MCF2L2: variants seen among roughly 807,000 people sequenced by gnomAD.
The protein encoded by MCF2L2 is probable guanine nucleotide exchange factor MCF2L2.
A neutral mutation model predicts 150.2 loss-of-function variants in MCF2L2; 102 were observed. That is an observed-to-expected ratio of 0.68 (90% CI 0.58 to 0.80). MCF2L2 has a LOEUF of 0.80. Among genes scored for constraint, MCF2L2 ranks in the 30% least tolerant of loss-of-function variants. MCF2L2 has a pLI of 0.00. For missense variants in MCF2L2, 1,256 were observed against 1,372.8 expected, an observed-to-expected ratio of 0.91 and a Z score of 1.34; for synonymous variants, 465 against 491.3, an observed-to-expected ratio of 0.95 and a Z score of 0.71.
chr3:183,191,754 GA>G (rs1721899941), intron 27 of MCF2L2, among the ~76,000 whole-genome samples: 1 of 152,116 alleles, frequency 6.6e-6, no homozygotes, highest in Admixed American at 6.5e-5. Context: ...TCACTTAAAG[GA>G]AGCATTTGAC....
At chr3:183,212,365 G>A (rs559498873) in intron 22 of MCF2L2, among the ~76,000 whole-genome samples, 20 of 152,318 alleles carry the variant, frequency 1.3e-4, no homozygotes, top group African/African-American at 4.3e-4. Flanking sequence ...CATGTCACAC[G>A]GTGTGTGGAA....
At chr3:183,256,974 T>C (rs912733523) in intron 15 of MCF2L2, among the ~76,000 whole-genome samples, 2 of 152,202 alleles carry the variant, frequency 1.3e-5, no homozygotes, top group Non-Finnish European at 2.9e-5. Flanking sequence ...ATCAGATCAG[T>C]ATTTTTAAAA....
At chr3:183,417,454 C>T (rs901368853) in intron 1 of MCF2L2, among the ~76,000 whole-genome samples, 9 of 151,350 alleles carry the variant, frequency 5.9e-5, no homozygotes, top group Non-Finnish European at 1.2e-4. Flanking sequence ...AACATAATTG[C>T]TTTTCAAATC....
At chr3:183,276,652 A>G in intron 15 of MCF2L2, 1 of 439,954 alleles carries the variant, frequency 2.3e-6, no homozygotes, top group Admixed American at 4.1e-5. Context: ...CTGTATTCTT[A>G]GAAGTTTGGT....
At chr3:183,420,043 T>C (rs1715797639) in intron 1 of MCF2L2, among the ~76,000 whole-genome samples, 1 of 152,172 alleles carries the variant, frequency 6.6e-6, no homozygotes, top group African/African-American at 2.4e-5. Flanking sequence ...TCCCAATAAG[T>C]TCCTCATCTC....
intron 5 of MCF2L2, among the ~76,000 whole-genome samples, chr3:183,330,114 G>A (rs548768051): frequency 6.6e-6 from 1 of 151,386 alleles, no homozygotes; most frequent in Non-Finnish European, 1.5e-5. Flanking sequence ...GCATGGTGGT[G>A]CGCACCTGTA....
chr3:183,314,475 T>C (rs1315342857), intron 7 of MCF2L2, among the ~76,000 whole-genome samples: 1 of 152,138 alleles, frequency 6.6e-6, no homozygotes, highest in Non-Finnish European at 1.5e-5. Context: ...AAATAGCAAG[T>C]AAGGCTGAAA....
At chr3:183,244,218 C>T (rs1251769305) in intron 15 of MCF2L2, among the ~76,000 whole-genome samples, 1 of 149,260 alleles carries the variant, frequency 6.7e-6, no homozygotes, top group Non-Finnish European at 1.5e-5. Context: ...AAAAAAAAAA[C>T]AGGCAGAGGA....
At chr3:183,245,812 T>C (rs1724225469) in intron 15 of MCF2L2, among the ~76,000 whole-genome samples, 1 of 152,230 alleles carries the variant, frequency 6.6e-6, no homozygotes, top group African/African-American at 2.4e-5. Context: ...CTGATGAATA[T>C]GAACACTTCC....
intron 3 of MCF2L2, among the ~76,000 whole-genome samples, chr3:183,361,105 G>GACAAGACAAGAAAAGAAAAGAAAAT (rs1553787962): frequency 8.8e-5 from 12 of 136,798 alleles, no homozygotes; most frequent in Middle Eastern, 3.4e-3. Context: ...GACAAGACAA[G>GACAAGACAAGAAAAGAAAAGAAAAT]AAAAGAAAAA....
intron 6 of MCF2L2, 37 bp downstream of exon 6, chr3:183,323,198 G>A (rs749902865): frequency 2.8e-6 from 4 of 1,427,826 alleles, no homozygotes; most frequent in South Asian, 1.2e-5. Flanking sequence ...AGAAAACAAG[G>A]AGAGACAGTG....
intron 3 of MCF2L2, among the ~76,000 whole-genome samples, chr3:183,344,036 G>A (rs982385304): frequency 2.6e-5 from 4 of 152,164 alleles, no homozygotes; most frequent in Non-Finnish European, 5.9e-5. Context: ...CAGGCCTGGT[G>A]GTGTGTGCCC....
chr3:183,312,630 G>A (rs1276094864), intron 7 of MCF2L2, among the ~76,000 whole-genome samples: 5 of 152,268 alleles, frequency 3.3e-5, no homozygotes, highest in South Asian at 2.1e-4. Flanking sequence ...ACCTCTGCAC[G>A]CAAACACTGA....
At chr3:183,302,075 C>A (rs1256074643) in intron 10 of MCF2L2, among the ~76,000 whole-genome samples, 1 of 152,138 alleles carries the variant, frequency 6.6e-6, no homozygotes, top group Non-Finnish European at 1.5e-5. Context: ...GGCATTGAGT[C>A]TCTAATGAGC....
In MCF2L2 at chr3:183,289,193, G is replaced by A; in HGVS notation, c.1703C>T (p.Ser568Phe). ...SVPLARPLRT[S>F]EEPYTETELN... ...CTCTGTCTCCGTATAAGGTTCCTCA[G>A]ACGTTCTCAGAGGACGAGCTAGAGG... Residue 568 changes from serine to phenylalanine, a missense_variant, in exon 14 of 30, where the codon TCT (serine) becomes TTT (phenylalanine). Ser to Phe is a radical substitution (Grantham distance 155). Transcript: ENST00000328913. 1.2e-6 allele frequency: 2 copies of A among 1,613,836 alleles called. No individual in the cohort carries two copies. Among genetic ancestry groups the A allele is most frequent in the Non-Finnish European group, 1.7e-6 (2 of 1,179,806 alleles).
chr3:183,256,097 A>G (rs1357679400), intron 15 of MCF2L2, among the ~76,000 whole-genome samples: 3 of 152,248 alleles, frequency 2.0e-5, no homozygotes, highest in Non-Finnish European at 4.4e-5. Context: ...GGGGAATTTT[A>G]TATATGCTGA....
At chr3:183,203,736 G>A (rs573707600) in intron 25 of MCF2L2, among the ~76,000 whole-genome samples, 2 of 152,260 alleles carry the variant, frequency 1.3e-5, no homozygotes, top group Admixed American at 1.3e-4. Flanking sequence ...CTTCAAGAAA[G>A]TCTATAAACT....
rs1478970574 is a variant in MCF2L2 at position 183,229,733 on chromosome 3, C to T, written c.1978G>A (p.Asp660Asn). Residue 660 changes from aspartate to asparagine, a missense_variant, in exon 17 of 30, where the codon GAT becomes AAT. By Grantham distance (23) the Asp-to-Asn change is conservative (BLOSUM62 1). Coordinates refer to ENST00000328913, the MANE Select transcript of MCF2L2 (RefSeq NM_015078.4). ...DFIWLKHLIP[D>N]VLQNNKDFLF... ...AAGTCCTTGTTATTCTGAAGAACAT[C>T]TGGAATTAGATGCTTTAGCCAAATA... is the stretch of plus-strand genomic sequence containing the variant. The T allele has an allele frequency of 6.2e-7, 1 of 1,605,858 alleles. No individual in the cohort carries two copies. The highest frequency in any genetic ancestry group is 1.3e-5 in the African/African-American group (1 of 74,618).
chr3:183,246,854 T>A (rs1362337209), intron 15 of MCF2L2, among the ~76,000 whole-genome samples: 1 of 152,348 alleles, frequency 6.6e-6, no homozygotes, highest in South Asian at 2.1e-4. Context: ...TAGATTATCA[T>A]TCTTTTTTTA....
Sources: gnomAD v4.1 joint callset for allele counts (sites outside exome capture counted in the v4.1 genomes callset) on GRCh38, gnomAD v4.1.1 for gene constraint, MANE v1.5 for transcripts, NCBI Gene and HGNC (gene_info 2026-07-23, HGNC 2026-07-21) for gene names.